The following RYR3 variants were observed in gnomAD, a reference collection of about 807,000 sequenced individuals.
RYR3 encodes the protein ryanodine receptor 3.
In RYR3, 207 loss-of-function variants were observed where a neutral mutation model predicts 584.3. That is an observed-to-expected ratio of 0.35 (90% CI 0.32 to 0.40). The LOEUF is 0.40. Among genes scored for constraint, RYR3 ranks in the 10% least tolerant of loss-of-function variants. RYR3 has a pLI of 1.00. For synonymous variants in RYR3, 2,416 were observed against 2,248.5 expected (o/e 1.07, Z -2.11); for missense variants, 5,616 against 6,089.2 (o/e 0.92, Z 2.59).
intron 78 of RYR3, among the ~76,000 whole-genome samples, 173 bp downstream of exon 78, chr15:33,820,985 T>C (rs2077072908): frequency 2.2e-5 from 1 of 45,258 alleles, no homozygotes; most frequent in South Asian, 9.1e-4. Flanking sequence ...AACAAACACA[T>C]TTTAATGTTG....
chr15:33,818,763 G>A, intron 76 of RYR3, 79 bp downstream of exon 76: 2 of 997,426 alleles, frequency 2.0e-6, no homozygotes, highest in Middle Eastern at 5.9e-4. Context: ...CTCTCAGACG[G>A]CAGTGGGTGG....
At chr15:33,398,118 A>G (rs17236017) in intron 1 of RYR3, among the ~76,000 whole-genome samples, 17,810 of 152,288 alleles carry the variant, frequency 0.12, 1,139 homozygotes, top group Admixed American at 0.15. Context: ...TCTTTGAAGA[A>G]TGATCTGATA....
intron 12 of RYR3, among the ~76,000 whole-genome samples, chr15:33,570,466 C>T (rs2057967224): frequency 6.6e-6 from 1 of 152,084 alleles, no homozygotes. Context: ...CAAAATGACA[C>T]TGTCTTAATT....
intron 1 of RYR3, among the ~76,000 whole-genome samples, chr15:33,419,807 T>C (rs892376204): frequency 2.6e-5 from 4 of 152,200 alleles, no homozygotes; most frequent in Non-Finnish European, 5.9e-5. Context: ...TGATGCAGTG[T>C]GTACTCATCA....
intron 103 of RYR3, 38 bp downstream of exon 103, chr15:33,864,227 C>A (rs758758994): frequency 6.5e-7 from 1 of 1,534,592 alleles, no homozygotes; most frequent in African/African-American, 1.4e-5. Flanking sequence ...GTTAGATCTC[C>A]CTTTCCTAAA....
Position 33,702,615 on chromosome 15 carries a change from G to T in RYR3, c.6483+1535G>T, listed in dbSNP as rs182018510. The stretch of plus-strand genomic sequence containing the variant: ...CTCCCAAATGGCATTGTCAAGTAGG[G>T]AATTGACGACCTGGCAGTATATCTC... On this transcript the variant is annotated intron_variant, in intron 42 of 103. Coordinates refer to ENST00000634891, the MANE Select transcript of RYR3 (RefSeq NM_001036.6). Among the ~76,000 whole-genome samples the T allele has an allele frequency of 2.0e-5, 3 of 152,212 alleles. No homozygotes were observed. In the East Asian group the frequency reaches 5.8e-4, roughly 29 times the overall value.
At chr15:33,807,480 T>C in intron 69 of RYR3, 75 bp from the exon 70 acceptor site, 1 of 1,386,492 alleles carries the variant, frequency 7.2e-7, no homozygotes, top group Non-Finnish European at 1.0e-6. Flanking sequence ...TAACATATGG[T>C]GCCTTTTGCC....
chr15:33,541,279 T>A (rs1213757786), intron 7 of RYR3, among the ~76,000 whole-genome samples: 1 of 152,170 alleles, frequency 6.6e-6, no homozygotes, highest in Non-Finnish European at 1.5e-5. Context: ...ACATGGTTTA[T>A]ATTTCTCCTT....
At chr15:33,771,157 G>T (rs1046453314) in intron 62 of RYR3, among the ~76,000 whole-genome samples, 1 of 152,184 alleles carries the variant, frequency 6.6e-6, no homozygotes, top group African/African-American at 2.4e-5. Flanking sequence ...AGAAATCTAA[G>T]CTTCTGTTGA....
Position 33,861,283 on chromosome 15 carries a change from C to T in RYR3, c.14465+105C>T, listed in dbSNP as rs886248845. The T allele has an allele frequency of 3.5e-5, 26 of 745,488 alleles. No homozygotes were observed. In the South Asian group the frequency reaches 3.6e-4, roughly 10 times the overall value. 46.2% of individuals were successfully genotyped at this position (745,488 alleles called of 1,614,324 possible). On this transcript the variant is annotated intron_variant, in intron 102 of 103. Transcript: ENST00000634891. ...TGGAAAAAGAGTAACCAGAAAGGAA[C>T]TTCCAGGAGTCCCCATGAGCCTGTA...
chr15:33,585,105 T>C (rs981359312), intron 15 of RYR3, among the ~76,000 whole-genome samples: 4 of 151,846 alleles, frequency 2.6e-5, no homozygotes, highest in African/African-American at 9.7e-5. Context: ...TATACGCCCC[T>C]CAAGGGGAAG....
chr15:33,337,181 AAGAT>A (rs1297184817), intron 1 of RYR3, among the ~76,000 whole-genome samples: 2 of 152,058 alleles, frequency 1.3e-5, no homozygotes, highest in Non-Finnish European at 2.9e-5. Flanking sequence ...AGAGATTTAA[AAGAT>A]AGGAGAATAT....
At position 33,430,263 on chromosome 15, in the gene RYR3, G is replaced by A. The variant is rs72725484; in HGVS notation, c.52-43156G>A. Among the ~76,000 whole-genome samples the A allele has an allele frequency of 7.9e-3, 1,197 of 152,320 alleles. 37 individuals carry two copies. The highest frequency in any genetic ancestry group is 0.058 in the Admixed American group (888 of 15,294). ...ATCGGGCAGCTAATGCTTAGGATCC[G>A]AACTCCCTGATGCGTTACAGATAAG... On this transcript the variant is annotated intron_variant, in intron 1 of 103. Transcript: ENST00000634891.
intron 38 of RYR3, among the ~76,000 whole-genome samples, chr15:33,679,402 G>T (rs2064424772): frequency 6.6e-6 from 1 of 152,120 alleles, no homozygotes; most frequent in Non-Finnish European, 1.5e-5. Flanking sequence ...TTCATCCTCA[G>T]GTTTTACTGT....
chr15:33,706,821 C>G, intron 42 of RYR3, 98 bp from the exon 43 acceptor site: 1 of 1,220,440 alleles, frequency 8.2e-7, no homozygotes, highest in Non-Finnish European at 1.1e-6. Context: ...GTTCCAACTT[C>G]TCTACATCCT....
intron 1 of RYR3, among the ~76,000 whole-genome samples, chr15:33,456,906 G>C (rs562673032): frequency 6.6e-6 from 1 of 152,276 alleles, no homozygotes; most frequent in African/African-American, 2.4e-5. Flanking sequence ...AGCTGACTTA[G>C]AGAATTAGAA....
chr15:33,649,290 C>T (rs966834637), intron 31 of RYR3, 55 bp downstream of exon 31: 5 of 1,539,586 alleles, frequency 3.2e-6, no homozygotes, highest in Admixed American at 1.7e-5. Flanking sequence ...GTCCCTCCCC[C>T]CAGTCTTTTT....
At chr15:33,633,299 G>A (rs2061353463) in intron 24 of RYR3, among the ~76,000 whole-genome samples, 191 bp downstream of exon 24, 2 of 152,222 alleles carry the variant, frequency 1.3e-5, no homozygotes, top group South Asian at 2.1e-4. Context: ...TCATAGCTCA[G>A]CAGTATTTCT....
At chr15:33,705,781 C>T (rs897847763) in intron 42 of RYR3, among the ~76,000 whole-genome samples, 30 of 152,170 alleles carry the variant, frequency 2.0e-4, no homozygotes, top group Non-Finnish European at 4.3e-4. Context: ...GGATGCAGAA[C>T]GAGAGTAGAC....
Sources: gnomAD v4.1 joint callset for allele counts (sites outside exome capture counted in the v4.1 genomes callset) on GRCh38, gnomAD v4.1.1 for gene constraint, MANE v1.5 for transcripts, NCBI Gene and HGNC (gene_info 2026-07-23, HGNC 2026-07-21) for gene names.